The following GBF1 variants were observed in gnomAD, a reference collection of about 807,000 sequenced individuals.
The protein encoded by GBF1 is golgi brefeldin A resistant guanine nucleotide exchange factor 1.
GBF1 carries 114 observed loss-of-function variants against 210.5 expected under a neutral mutation model. That is an observed-to-expected ratio of 0.54 (90% confidence interval 0.47 to 0.63). GBF1 has a LOEUF of 0.63. Among genes scored for constraint, GBF1 ranks in the 30% least tolerant of loss-of-function variants. The pLI is 0.00. For synonymous variants in GBF1, 850 were observed against 889.2 expected (o/e 0.96, Z 0.78); for missense variants, 1,851 against 2,357.7 (o/e 0.79, Z 4.45).
intron 3 of GBF1, among the ~76,000 whole-genome samples, chr10:102,321,514 G>T (rs1018756270): frequency 1.3e-5 from 2 of 152,062 alleles, no homozygotes; most frequent in East Asian, 3.8e-4. Flanking sequence ...TGATTTATTT[G>T]TTGTAGTATT....
chr10:102,382,839 T>C lies in GBF1; in HGVS notation c.*503T>C, dbSNP rs1362466847. On this transcript the variant is annotated 3_prime_UTR_variant, in exon 40 of 40. Coordinates refer to ENST00000369983, the MANE Select transcript of GBF1 (RefSeq NM_001377137.1). ...GACTGCCCACAGGAGCATGTACATA[T>C]GGAAAAACAGAACAACAGTGGACTT... The C allele has an allele frequency of 1.3e-5, 2 of 156,032 alleles. No homozygotes were observed. Among genetic ancestry groups the C allele is most frequent in the East Asian group, 1.9e-4 (1 of 5,270 alleles). The allele number at this position is 156,032 out of a possible 1,614,324, so 9.7% of individuals were successfully genotyped here. A position where few individuals can be genotyped will look rare whatever the true frequency, so the allele number is the denominator to read the frequency against.
At chr10:102,380,065 C>T (rs903942674) in intron 36 of GBF1, 111 bp downstream of exon 36, 1 of 779,202 alleles carries the variant, frequency 1.3e-6, no homozygotes, top group African/African-American at 1.7e-5. Context: ...GCTCACAACC[C>T]CCCAGCTATG....
At chr10:102,262,414 C>T (rs1297780167) in intron 3 of GBF1, among the ~76,000 whole-genome samples, 1 of 151,910 alleles carries the variant, frequency 6.6e-6, no homozygotes, top group Non-Finnish European at 1.5e-5. Context: ...TGGAGATTTA[C>T]AGTTCTTTTT....
rs529451706 is a variant in GBF1 at position 102,382,604 on chromosome 10, G to C, written c.*268G>C. ...CATCTGCAGCCTCTGCCTCCAGCCC[G>C]GCAGCTCTGGGGAGGCATCCGTGTG... On this transcript the variant is annotated 3_prime_UTR_variant, in exon 40 of 40. Transcript: ENST00000369983. The C allele has an allele frequency of 2.4e-6, 1 of 416,210 alleles. No homozygotes were observed. Among genetic ancestry groups the C allele is most frequent in the Admixed American group, 4.2e-5 (1 of 24,032 alleles). 25.8% of individuals were successfully genotyped at this position (416,210 alleles called of 1,614,324 possible).
intron 39 of GBF1, among the ~76,000 whole-genome samples, chr10:102,381,561 A>G (rs1272229521): frequency 1.3e-5 from 2 of 152,038 alleles, no homozygotes; most frequent in Non-Finnish European, 2.9e-5. Context: ...AGTGGCTCAT[A>G]CCTGTAATCC....
At chr10:102,241,579 C>T (rs955466472), upstream of GBF1, 24 of 152,470 alleles carry the variant, frequency 1.6e-4, no homozygotes, top group African/African-American at 5.5e-4. The surrounding 1 kb of genome is among the most constrained non-coding windows in gnomAD (Gnocchi z 6.7). Context: ...CGGCGAGCCG[C>T]GCGCGTCAGG....
chr10:102,327,455 A>G (rs1033852449), intron 3 of GBF1, among the ~76,000 whole-genome samples: 42 of 152,370 alleles, frequency 2.8e-4, no homozygotes, highest in African/African-American at 9.1e-4. Flanking sequence ...TTTTATAGGA[A>G]TGTATACAGC....
At chr10:102,231,039 T>G in the GBF1 span, 1 of 1,589,178 alleles carries the variant, frequency 6.3e-7, no homozygotes, top group Non-Finnish European at 8.6e-7. Context: ...TGCCTTTGCA[T>G]AGCTCGGCCT....
chr10:102,351,066 C>A (rs2058936148), intron 4 of GBF1, among the ~76,000 whole-genome samples, 190 bp from the exon 5 acceptor site: 1 of 145,816 alleles, frequency 6.9e-6, no homozygotes. Flanking sequence ...CAGCCTGGGC[C>A]ACAAAGTGAG....
At chr10:102,336,464 A>G (rs2057753445) in intron 3 of GBF1, among the ~76,000 whole-genome samples, 1 of 152,138 alleles carries the variant, frequency 6.6e-6, no homozygotes, top group African/African-American at 2.4e-5. Context: ...ACATGCATCA[A>G]ATGAGATAGT....
chr10:102,294,102 G>A (rs986157748), intron 3 of GBF1, among the ~76,000 whole-genome samples: 11 of 151,780 alleles, frequency 7.2e-5, no homozygotes, highest in African/African-American at 2.7e-4. Context: ...TTTAAGCTAA[G>A]TATTATTATA....
intron 9 of GBF1, 104 bp from the exon 10 acceptor site, chr10:102,358,402 G>A: frequency 1.2e-6 from 1 of 856,558 alleles, no homozygotes; most frequent in Non-Finnish European, 1.9e-6. Flanking sequence ...TATATGCAAA[G>A]ATAAGCATGT....
chr10:102,301,857 A>C (rs376818127), intron 3 of GBF1, among the ~76,000 whole-genome samples: 1 of 142,996 alleles, frequency 7.0e-6, no homozygotes, highest in Non-Finnish European at 1.6e-5. Flanking sequence ...ACTTCCCAGA[A>C]GGGGTGGCGG....
chr10:102,301,494 G>C (rs2077345000), intron 3 of GBF1, among the ~76,000 whole-genome samples: 1 of 152,198 alleles, frequency 6.6e-6, no homozygotes, highest in Non-Finnish European at 1.5e-5. Context: ...GAGCTGTTGG[G>C]TACACCTCCC....
At position 102,376,555 on chromosome 10, in the gene GBF1, T is replaced by C; in HGVS notation, c.4048-5T>C. On this transcript the variant is annotated splice_polypyrimidine_tract_variant and splice_region_variant and intron_variant, in intron 31 of 39. Coordinates refer to ENST00000369983, the MANE Select transcript of GBF1 (RefSeq NM_001377137.1). Reference sequence around the variant, plus strand: ...GTGTCCCCAGCTCCTCTGTGTACTTTACAGGTTGGGAAGGATGACGTTGAT... The same window carrying C: ...GTGTCCCCAGCTCCTCTGTGTACTTCACAGGTTGGGAAGGATGACGTTGAT... 6.2e-7 allele frequency: 1 copy of C among 1,614,046 alleles called. No homozygotes were observed. Among genetic ancestry groups the C allele is most frequent in the Non-Finnish European group, 8.5e-7 (1 of 1,179,970 alleles).
chr10:102,361,299 G>T, intron 13 of GBF1, 179 bp downstream of exon 13: 1 of 580,710 alleles, frequency 1.7e-6, no homozygotes, highest in Non-Finnish European at 3.1e-6. Flanking sequence ...AAAGTTAAAA[G>T]GAGACCAAAG....
intron 4 of GBF1, among the ~76,000 whole-genome samples, chr10:102,346,448 C>G (rs1008444882): frequency 6.6e-6 from 1 of 152,234 alleles, no homozygotes; most frequent in Admixed American, 6.5e-5. Context: ...CTTCCTTACC[C>G]TGTCATCAGC....
At chr10:102,330,093 ACCATGGTACT>A (rs1007632200) in intron 3 of GBF1, among the ~76,000 whole-genome samples, 77 of 152,244 alleles carry the variant, frequency 5.1e-4, no homozygotes, top group African/African-American at 1.8e-3. Flanking sequence ...CTATAATTGC[ACCATGGTACT>A]CCAGCCTGAG....
intron 8 of GBF1, among the ~76,000 whole-genome samples, chr10:102,354,199 C>T (rs915776070): frequency 6.6e-6 from 1 of 152,182 alleles, no homozygotes; most frequent in African/African-American, 2.4e-5. Context: ...ATGAGGATTC[C>T]GCTTGCAGCC....
Sources: allele counts gnomAD v4.1 joint callset (sites outside exome capture counted in the v4.1 genomes callset), GRCh38; gene constraint gnomAD v4.1.1; non-coding constraint Gnocchi (gnomAD v3.1); transcripts MANE v1.5; gene names NCBI Gene and HGNC (gene_info 2026-07-23, HGNC 2026-07-21).